PRKAG2: variants seen among roughly 807,000 people sequenced by gnomAD.
The protein encoded by PRKAG2 is protein kinase AMP-activated non-catalytic subunit gamma 2.
Under a neutral mutation model 69.6 loss-of-function variants are expected in PRKAG2, and 26 were observed. The observed-to-expected ratio is 0.37, with a 90% CI of 0.27 to 0.52. The LOEUF is 0.52. Ranked by LOEUF, PRKAG2 falls within the 20% of genes least tolerant of loss-of-function variation. The pLI is 0.90. For synonymous variants in PRKAG2, 293 were observed against 285.0 expected, an observed-to-expected ratio of 1.03 and a Z score of -0.28; for missense variants, 557 against 740.0, an observed-to-expected ratio of 0.75 and a Z score of 2.87.
intron 1 of PRKAG2, among the ~76,000 whole-genome samples, chr7:151,792,430 G>A (rs1251788583): frequency 2.0e-5 from 3 of 152,202 alleles, no homozygotes; most frequent in Non-Finnish European, 4.4e-5. Context: ...TTCCCCATAG[G>A]ATAATAGACT....
chr7:151,634,043 C>T (rs958150353), intron 4 of PRKAG2, among the ~76,000 whole-genome samples: 1 of 152,320 alleles, frequency 6.6e-6, no homozygotes, highest in Admixed American at 6.5e-5. Flanking sequence ...CATTCTCCTG[C>T]CTCAGCCTCC....
At chr7:151,839,143 C>A (rs1004839047) in intron 1 of PRKAG2, among the ~76,000 whole-genome samples, 1 of 152,202 alleles carries the variant, frequency 6.6e-6, no homozygotes, top group Non-Finnish European at 1.5e-5. Flanking sequence ...GCTTTAACTG[C>A]CCTCAGCCCC....
chr7:151,830,307 C>T (rs1462972304), intron 1 of PRKAG2, among the ~76,000 whole-genome samples: 1 of 151,902 alleles, frequency 6.6e-6, no homozygotes, highest in Admixed American at 6.6e-5. Flanking sequence ...GAGCCAAGTC[C>T]CGCCACCTGC....
intron 4 of PRKAG2, among the ~76,000 whole-genome samples, chr7:151,650,635 C>T (rs532909308): frequency 3.7e-4 from 57 of 152,306 alleles, no homozygotes; most frequent in African/African-American, 1.3e-3. Context: ...AACACTAAGG[C>T]GTCATTTGCT....
chr7:151,570,734 T>TC (rs1331200102), intron 9 of PRKAG2, among the ~76,000 whole-genome samples: 4 of 152,192 alleles, frequency 2.6e-5, no homozygotes, highest in Admixed American at 2.0e-4. Context: ...ACTGTTTTTT[T>TC]CTGAAGATAT....
intron 1 of PRKAG2, among the ~76,000 whole-genome samples, chr7:151,839,027 A>G (rs1274657162): frequency 3.3e-4 from 49 of 148,986 alleles, no homozygotes; most frequent in South Asian, 2.1e-3. Context: ...AAAAAAAAAA[A>G]AAAATAGAAA....
chr7:151,733,117 T>C (rs576658202), intron 3 of PRKAG2, among the ~76,000 whole-genome samples: 1 of 152,348 alleles, frequency 6.6e-6, no homozygotes, highest in East Asian at 1.9e-4. Flanking sequence ...CCTCACTCAG[T>C]GTATCCACGC....
chr7:151,649,260 G>A (rs1361785487), intron 4 of PRKAG2, among the ~76,000 whole-genome samples: 3 of 152,028 alleles, frequency 2.0e-5, no homozygotes, highest in African/African-American at 7.2e-5. Context: ...TGAGTAGCTG[G>A]GATTGCAGGC....
chr7:151,732,558 C>T (rs1283450668), intron 3 of PRKAG2, among the ~76,000 whole-genome samples: 1 of 152,190 alleles, frequency 6.6e-6, no homozygotes, highest in African/African-American at 2.4e-5. Flanking sequence ...TGGGCTGGAA[C>T]GTTTTCCAGC....
intron 1 of PRKAG2, among the ~76,000 whole-genome samples, chr7:151,824,432 T>A (rs933123878): frequency 6.6e-6 from 1 of 152,216 alleles, no homozygotes; most frequent in African/African-American, 2.4e-5. Flanking sequence ...CCGGAACTCC[T>A]AAGCCGCGGT....
rs116143611 is a variant in PRKAG2, at chr7:151,564,891, A to T, written c.1437+455T>A. Among the ~76,000 whole-genome samples, 249 of 152,226 alleles carry T rather than the reference A, an allele frequency of 1.6e-3. 1 individual carries two copies. Among genetic ancestry groups the T allele is most frequent in the African/African-American group, 5.8e-3 (239 of 41,554 alleles). Reference sequence around the variant, plus strand: ...TTTAATGTGGGGTCAGTATTGTGGCAAAAAATGGCGTGCACATTTGGGGCT... The same window carrying T: ...TTTAATGTGGGGTCAGTATTGTGGCTAAAAATGGCGTGCACATTTGGGGCT... On this transcript the variant is annotated intron_variant, in intron 13 of 15. Coordinates refer to ENST00000287878, the MANE Select transcript of PRKAG2 (RefSeq NM_016203.4).
At chr7:151,710,711 ACTTG>A (rs1795155460) in intron 3 of PRKAG2, among the ~76,000 whole-genome samples, 1 of 152,068 alleles carries the variant, frequency 6.6e-6, no homozygotes, top group African/African-American at 2.4e-5. Context: ...TTCTCTCTTC[ACTTG>A]TCACTATCCG....
intron 1 of PRKAG2, among the ~76,000 whole-genome samples, chr7:151,874,761 G>T (rs574251674): frequency 1.2e-4 from 19 of 152,166 alleles, no homozygotes; most frequent in Non-Finnish European, 2.6e-4. Flanking sequence ...GGTGGCACAT[G>T]CCTGTAGTCC....
chr7:151,632,545 C>T lies in PRKAG2; in HGVS notation c.685-407G>A, dbSNP rs1374411207. The T allele has an allele frequency of 2.6e-5, 26 of 982,768 alleles. No homozygotes were observed. The African/African-American group carries it at 3.7e-4, about 14-fold the overall frequency. 60.9% of individuals were successfully genotyped at this position (982,768 alleles called of 1,614,324 possible). A position where few individuals can be genotyped will look rare whatever the true frequency, so the allele number is the denominator to read the frequency against. On this transcript the variant is annotated intron_variant, in intron 4 of 15. Transcript: ENST00000287878. The surrounding 1 kb of genome is among the most constrained non-coding windows in gnomAD (Gnocchi z 4.2). Reference sequence around the variant, plus strand: ...ATTGGGAGAGGCCCGCGGCCCGCCCCCACTCCGCCCCCCGGCGCCGCTCAC... The same window carrying T: ...ATTGGGAGAGGCCCGCGGCCCGCCCTCACTCCGCCCCCCGGCGCCGCTCAC...
At chr7:151,710,001 A>G (rs776279891) in intron 3 of PRKAG2, among the ~76,000 whole-genome samples, 2 of 152,204 alleles carry the variant, frequency 1.3e-5, no homozygotes, top group African/African-American at 4.8e-5. Context: ...GAGGAAAAGC[A>G]TTTACAGTAG....
In PRKAG2 at chr7:151,876,581, C is replaced by G. The variant is rs150188173; in HGVS notation, c.40G>C (p.Val14Leu). The G allele has an allele frequency of 1.3e-5, 21 of 1,610,392 alleles. No homozygotes were observed. The highest frequency in any genetic ancestry group is 1.7e-5 in the Admixed American group (1 of 60,006). The part of the protein sequence containing the change: ...AVMDTKKKKD[V>L]SSPGGSGGKK... ...CCGCCGCTCCCGCCGGGGCTGGAAACATCTTTTTTCTTCTTGGTGTCCATA... is the reference window on the plus strand; with the variant it reads ...CCGCCGCTCCCGCCGGGGCTGGAAAGATCTTTTTTCTTCTTGGTGTCCATA... The change falls in exon 1 of 16, where the codon GTT becomes CTT. Residue 14 changes from valine (V) to leucine (L), a missense_variant. By Grantham distance (32) the Val-to-Leu change is conservative. Around this residue, in one of 2 missense-constraint regions of PRKAG2, gnomAD observed 352 missense variants for 356.7 expected, o/e 0.99. Coordinates refer to ENST00000287878, the MANE Select transcript of PRKAG2 (RefSeq NM_016203.4).
At chr7:151,731,538 G>GCGCA (rs1563545768) in intron 3 of PRKAG2, among the ~76,000 whole-genome samples, 2 of 152,142 alleles carry the variant, frequency 1.3e-5, no homozygotes, top group African/African-American at 4.8e-5. Flanking sequence ...GTGTGTGTGC[G>GCGCA]CACAGGTACA....
intron 5 of PRKAG2, among the ~76,000 whole-genome samples, chr7:151,627,195 G>GC (rs1368564812): frequency 6.6e-6 from 1 of 152,130 alleles, no homozygotes; most frequent in African/African-American, 2.4e-5. Flanking sequence ...GGAAATACAG[G>GC]CCCTTCATCA....
At chr7:151,586,967 A>C (rs2538037) in intron 6 of PRKAG2, among the ~76,000 whole-genome samples, 80,693 of 151,874 alleles carry the variant, frequency 0.53, 22,458 homozygotes, top group East Asian at 0.81. Flanking sequence ...TCGAGACCAG[A>C]CTGGCCAACA....
Sources: gnomAD v4.1 joint callset for allele counts (sites outside exome capture counted in the v4.1 genomes callset) on GRCh38, gnomAD v4.1.1 for gene constraint, gnomAD v4.1.1 regional missense constraint, Gnocchi (gnomAD v3.1) non-coding constraint, MANE v1.5 for transcripts, NCBI Gene and HGNC (gene_info 2026-07-23, HGNC 2026-07-21) for gene names.